The following GPC5 variants were observed in gnomAD, a reference collection of about 807,000 sequenced individuals.
The protein encoded by GPC5 is glypican 5.
Under a neutral mutation model 53.9 loss-of-function variants are expected in GPC5, and 47 were observed. The ratio of observed to expected loss-of-function variants is 0.87; its 90% CI spans 0.69 to 1.11. The LOEUF is 1.11. Ranked by LOEUF, GPC5 falls within the 50% of genes most tolerant of loss-of-function variation. The probability of loss-of-function intolerance (pLI) is 0.00; values close to 1 mark genes in which losing one functional copy is unlikely to be tolerated. For missense variants in GPC5, 748 were observed against 713.1 expected, an observed-to-expected ratio of 1.05 and a Z score of -0.56; for synonymous variants, 286 against 263.3, an observed-to-expected ratio of 1.09 and a Z score of -0.84.
intron 5 of GPC5, among the ~76,000 whole-genome samples, chr13:91,875,438 C>A (rs2039191576): frequency 6.6e-6 from 1 of 152,092 alleles, no homozygotes; most frequent in African/African-American, 2.4e-5. Flanking sequence ...AAAATAAGAA[C>A]TGAGATTTTA....
At chr13:92,482,293 C>T (rs1594239354) in intron 7 of GPC5, among the ~76,000 whole-genome samples, 1 of 152,188 alleles carries the variant, frequency 6.6e-6, no homozygotes, top group Non-Finnish European at 1.5e-5. Context: ...AATCTAACAA[C>T]ATCTCTCTTT....
intron 7 of GPC5, among the ~76,000 whole-genome samples, chr13:92,572,872 C>CA (rs1427352599): frequency 1.3e-5 from 2 of 151,948 alleles, no homozygotes. Context: ...CTTCCCAAAA[C>CA]AAAAAACAAA....
intron 7 of GPC5, chr13:92,448,119 T>G (rs1877907401): frequency 6.6e-6 from 1 of 152,124 alleles, no homozygotes; most frequent in Non-Finnish European, 1.5e-5. Flanking sequence ...GTTAGGCAAA[T>G]AATTTCTCTC....
At chr13:91,697,388 G>C (rs1019333628) in intron 3 of GPC5, among the ~76,000 whole-genome samples, 1 of 152,044 alleles carries the variant, frequency 6.6e-6, no homozygotes, top group African/African-American at 2.4e-5. Context: ...TGATCTGCCC[G>C]CCTTGGCCTC....
At chr13:92,775,119 C>A (rs1219167596) in intron 7 of GPC5, among the ~76,000 whole-genome samples, 1 of 152,138 alleles carries the variant, frequency 6.6e-6, no homozygotes, top group South Asian at 2.1e-4. Flanking sequence ...AAATATCATT[C>A]ATTTATGGTC....
At chr13:92,004,926 A>C (rs887528749) in intron 6 of GPC5, among the ~76,000 whole-genome samples, 32 of 152,272 alleles carry the variant, frequency 2.1e-4, no homozygotes, top group African/African-American at 7.7e-4. Context: ...TCGGAGCTGC[A>C]ATTCAAAATA....
intron 5 of GPC5, among the ~76,000 whole-genome samples, chr13:91,801,364 GA>G (rs1233964491): frequency 1.6e-4 from 25 of 151,752 alleles, no homozygotes; most frequent in Non-Finnish European, 4.4e-5. Context: ...CTGACATGAT[GA>G]ACACATTTCA....
intron 2 of GPC5, among the ~76,000 whole-genome samples, chr13:91,605,763 G>A: frequency 1.0e-4 from 1 of 9,922 alleles, no homozygotes; most frequent in African/African-American, 2.0e-4. Flanking sequence ...TTTGTCTGTT[G>A]TTGGTGTATA....
At chr13:92,240,034 T>G (rs1312868248) in intron 7 of GPC5, 1 of 152,060 alleles carries the variant, frequency 6.6e-6, no homozygotes. Flanking sequence ...TCTAGCTTTT[T>G]TATATGAAAA....
At chr13:92,007,195 A>T (rs2040615074) in intron 6 of GPC5, among the ~76,000 whole-genome samples, 1 of 152,180 alleles carries the variant, frequency 6.6e-6, no homozygotes, top group African/African-American at 2.4e-5. Flanking sequence ...CTATTTATCA[A>T]CACACTGCAT....
At position 91,671,780 on chromosome 13, in the gene GPC5, C is replaced by CAAAAAAAAA. The variant is rs55758033; in HGVS notation, c.326-21390_326-21382dup. Reference sequence around the variant, plus strand: ...CCTGTATAGCCAAGACAATCTGAAGCAAAAAAAAAAAAAAAAAAAAAAAAA... The same window carrying CAAAAAAAAA: ...CCTGTATAGCCAAGACAATCTGAAGCAAAAAAAAAAAAAAAAAAAAAAAAAAAAAAAAAA... On this transcript the variant is annotated intron_variant, in intron 2 of 7. Transcript: ENST00000377067. Among the ~76,000 whole-genome samples, 66 of 33,132 alleles carry CAAAAAAAAA rather than the reference C, an allele frequency of 2.0e-3. 2 individuals are homozygous for CAAAAAAAAA. Among genetic ancestry groups the CAAAAAAAAA allele is most frequent in the African/African-American group, 3.2e-3 (33 of 10,404 alleles). 21.7% of individuals were successfully genotyped at this position (33,132 alleles called of 152,430 possible).
chr13:91,968,052 G>T (rs978038428), intron 6 of GPC5, among the ~76,000 whole-genome samples: 12 of 151,914 alleles, frequency 7.9e-5, no homozygotes, highest in African/African-American at 2.9e-4. Context: ...CCCTAGTAAT[G>T]ATATTAACTT....
intron 7 of GPC5, among the ~76,000 whole-genome samples, chr13:92,490,498 G>A (rs943253181): frequency 6.6e-6 from 1 of 152,074 alleles, no homozygotes; most frequent in African/African-American, 2.4e-5. Flanking sequence ...CCAGCCTTTA[G>A]AGGTGGAAGA....
At chr13:92,286,484 C>A (rs981439779) in intron 7 of GPC5, among the ~76,000 whole-genome samples, 1 of 152,028 alleles carries the variant, frequency 6.6e-6, no homozygotes, top group African/African-American at 2.4e-5. Context: ...TGGAACCAAC[C>A]CAAATGTCCA....
chr13:91,865,302 T>C (rs1404225129), intron 5 of GPC5, among the ~76,000 whole-genome samples: 2 of 152,132 alleles, frequency 1.3e-5, no homozygotes, highest in African/African-American at 4.8e-5. Context: ...TTTGAAGAGT[T>C]TTTTTCTTTT....
chr13:91,778,587 A>G (rs1594554872), intron 5 of GPC5, among the ~76,000 whole-genome samples: 1 of 152,154 alleles, frequency 6.6e-6, no homozygotes, highest in East Asian at 1.9e-4. Context: ...TCTGCTTAAA[A>G]TTCTCAGGTG....
rs187734510 is a variant in GPC5, at chr13:91,871,765, G to C, written c.1281-36172G>C. On this transcript the variant is annotated intron_variant, in intron 5 of 7. Coordinates refer to ENST00000377067, the MANE Select transcript of GPC5 (RefSeq NM_004466.6). ...ATGATTTGCTTTTGGAAATAACTTC[G>C]TTTTCCTTTACACAGTAATGGAGTG... is the stretch of plus-strand genomic sequence containing the variant. Among the ~76,000 whole-genome samples the C allele has an allele frequency of 1.6e-3, 237 of 151,030 alleles. 1 individual carries two copies. In the Middle Eastern group the frequency reaches 0.054, roughly 35 times the overall value.
intron 7 of GPC5, among the ~76,000 whole-genome samples, chr13:92,248,760 A>G (rs2042671066): frequency 6.6e-6 from 1 of 152,028 alleles, no homozygotes. Context: ...GGGTGAGGAG[A>G]TGGGGATTCG....
chr13:92,133,675 G>A (rs1238393376), intron 6 of GPC5, among the ~76,000 whole-genome samples: 1 of 152,052 alleles, frequency 6.6e-6, no homozygotes, highest in Non-Finnish European at 1.5e-5. Flanking sequence ...AATGACATCA[G>A]TCTCATGGAG....
Sources: gnomAD v4.1 joint callset for allele counts (sites outside exome capture counted in the v4.1 genomes callset) on GRCh38, gnomAD v4.1.1 for gene constraint, MANE v1.5 for transcripts, NCBI Gene and HGNC (gene_info 2026-07-23, HGNC 2026-07-21) for gene names.